The following TAFA4 variants were observed in gnomAD, a reference collection of about 807,000 sequenced individuals.
TAFA4 encodes the protein chemokine-like protein TAFA-4.
Under a neutral mutation model 21.1 loss-of-function variants are expected in TAFA4, and 20 were observed. That is an observed-to-expected ratio of 0.95 (90% CI 0.67 to 1.38). The LOEUF (loss-of-function observed/expected upper bound fraction) is 1.38. Among genes scored for constraint, TAFA4 ranks in the 40% most tolerant of loss-of-function variants. The pLI is 0.00. For synonymous variants in TAFA4, 71 were observed against 67.4 expected, an observed-to-expected ratio of 1.05 and a Z score of -0.26; for missense variants, 211 against 180.9, an observed-to-expected ratio of 1.17 and a Z score of -0.95.
At chr3:68,843,384 CAG>C (rs1704711497) in intron 3 of TAFA4, among the ~76,000 whole-genome samples, 1 of 152,152 alleles carries the variant, frequency 6.6e-6, no homozygotes, top group Non-Finnish European at 1.5e-5. Context: ...TTTGTATCCT[CAG>C]ACTTTACTGA....
chr3:68,835,637 C>T (rs1704506171), intron 3 of TAFA4, among the ~76,000 whole-genome samples: 1 of 152,144 alleles, frequency 6.6e-6, no homozygotes. Flanking sequence ...ACTGCAAAGC[C>T]CAGATGCCAT....
At chr3:68,909,092 T>C (rs998197232) in intron 1 of TAFA4, among the ~76,000 whole-genome samples, 1 of 152,162 alleles carries the variant, frequency 6.6e-6, no homozygotes, top group African/African-American at 2.4e-5. Context: ...TATCTGCTTG[T>C]AGCTTGGGGC....
rs369649050 is a variant in TAFA4, at chr3:68,732,966, C to T, written c.*176G>A. On this transcript the variant is annotated 3_prime_UTR_variant, in exon 6 of 6. Coordinates refer to ENST00000295569, the MANE Select transcript of TAFA4 (RefSeq NM_182522.5). ...GTTATAATTCAATGAAATAAAATCA[C>T]GAAGCAGAGAGGGCTGGGCCAGTTA... 10 of 669,804 alleles carry T rather than the reference C, an allele frequency of 1.5e-5. No homozygotes were observed. The highest frequency in any genetic ancestry group is 4.8e-5 in the South Asian group (2 of 41,636). The allele number at this position is 669,804 out of a possible 1,614,324, so 41.5% of individuals were successfully genotyped here. A position where few individuals can be genotyped will look rare whatever the true frequency, so the allele number is the denominator to read the frequency against.
chr3:68,885,659 G>C (rs929865421), intron 1 of TAFA4, among the ~76,000 whole-genome samples: 5 of 152,188 alleles, frequency 3.3e-5, no homozygotes, highest in African/African-American at 1.2e-4. Context: ...ATGGAAGTTA[G>C]AGATAATGCA....
At chr3:68,914,691 G>A (rs1327972592) in intron 1 of TAFA4, among the ~76,000 whole-genome samples, 2 of 152,016 alleles carry the variant, frequency 1.3e-5, no homozygotes, top group African/African-American at 2.4e-5. Context: ...CCATGGAAGC[G>A]GTGTGCAAAT....
chr3:68,817,696 C>T (rs1704019567), intron 3 of TAFA4, among the ~76,000 whole-genome samples: 1 of 152,190 alleles, frequency 6.6e-6, no homozygotes. Context: ...CCTTGTACAT[C>T]TCCATCAGGC....
chr3:68,773,902 C>CG (rs1703003669), intron 3 of TAFA4, among the ~76,000 whole-genome samples: 1 of 152,194 alleles, frequency 6.6e-6, no homozygotes, highest in Non-Finnish European at 1.5e-5. Flanking sequence ...AAGCGTGAGA[C>CG]TTACTCAAGC....
chr3:68,878,194 A>G lies in TAFA4; in HGVS notation c.130+2536T>C, dbSNP rs150759007. Among the ~76,000 whole-genome samples the G allele has an allele frequency of 2.0e-5, 3 of 152,322 alleles. No individual in the cohort carries two copies. The East Asian group carries it at 5.8e-4, about 29-fold the overall frequency. ...TTGTGGAATTGAAATAGTGCAGTCC[A>G]GGTTATATTCAAAGTTCTCTAGGGA... On this transcript the variant is annotated intron_variant, in intron 3 of 5. Coordinates refer to ENST00000295569, the MANE Select transcript of TAFA4 (RefSeq NM_182522.5).
At chr3:68,834,425 G>C (rs987173154) in intron 3 of TAFA4, among the ~76,000 whole-genome samples, 9 of 152,106 alleles carry the variant, frequency 5.9e-5, no homozygotes, top group African/African-American at 2.2e-4. Context: ...ATATAGAAAA[G>C]AGTGTCATTT....
chr3:68,842,328 G>A (rs1053955559), intron 3 of TAFA4, among the ~76,000 whole-genome samples: 3 of 152,100 alleles, frequency 2.0e-5, no homozygotes, highest in African/African-American at 4.8e-5. Flanking sequence ...TATGTTTGCT[G>A]GCCACATCAA....
intron 3 of TAFA4, among the ~76,000 whole-genome samples, chr3:68,841,972 G>T (rs1704677073): frequency 6.6e-6 from 1 of 152,158 alleles, no homozygotes; most frequent in African/African-American, 2.4e-5. Context: ...TTGGTTCCAA[G>T]TCTTTGCTAT....
At chr3:68,907,496 A>C (rs950814451) in intron 1 of TAFA4, among the ~76,000 whole-genome samples, 4 of 152,242 alleles carry the variant, frequency 2.6e-5, no homozygotes, top group African/African-American at 7.2e-5. Flanking sequence ...GAGAACAACA[A>C]GACGACATAG....
At chr3:68,760,563 T>C (rs536640081) in intron 3 of TAFA4, among the ~76,000 whole-genome samples, 8 of 152,298 alleles carry the variant, frequency 5.3e-5, no homozygotes, top group Admixed American at 6.5e-5. Flanking sequence ...AGTCTCACAC[T>C]CCACTGATCT....
chr3:68,908,272 A>G (rs542031242), intron 1 of TAFA4, among the ~76,000 whole-genome samples: 44 of 152,318 alleles, frequency 2.9e-4, no homozygotes, highest in African/African-American at 9.1e-4. Flanking sequence ...TACAAAGCTG[A>G]TAAGTAGGGA....
chr3:68,894,844 GGTTTTGTTTT>G (rs371557807), intron 1 of TAFA4, among the ~76,000 whole-genome samples: 2 of 151,896 alleles, frequency 1.3e-5, no homozygotes, highest in South Asian at 2.1e-4. Flanking sequence ...GGGTGTTTTT[GGTTTTGTTTT>G]GTTTTGTTTT....
At chr3:68,894,711 T>C (rs531790911) in intron 1 of TAFA4, among the ~76,000 whole-genome samples, 163 of 152,290 alleles carry the variant, frequency 1.1e-3, no homozygotes, top group Non-Finnish European at 1.8e-3. Flanking sequence ...TGAAAAAGAA[T>C]ACTTTAACCA....
intron 3 of TAFA4, among the ~76,000 whole-genome samples, chr3:68,875,675 T>A (rs2089540957): frequency 6.6e-6 from 1 of 152,110 alleles, no homozygotes; most frequent in Non-Finnish European, 1.5e-5. Context: ...AAGTGCTCAT[T>A]ATTGATCAAA....
intron 1 of TAFA4, among the ~76,000 whole-genome samples, chr3:68,890,181 C>T (rs1223733519): frequency 6.6e-6 from 1 of 151,950 alleles, no homozygotes; most frequent in African/African-American, 2.4e-5. Flanking sequence ...GAAAGAGAGA[C>T]AGAAGAGCAG....
chr3:68,796,835 G>C (rs1024899501), intron 3 of TAFA4, among the ~76,000 whole-genome samples: 4 of 152,074 alleles, frequency 2.6e-5, no homozygotes, highest in African/African-American at 7.2e-5. Context: ...GACTAGAATA[G>C]ACATTTCTCC....
Sources: gnomAD v4.1 joint callset for allele counts (sites outside exome capture counted in the v4.1 genomes callset) on GRCh38, gnomAD v4.1.1 for gene constraint, MANE v1.5 for transcripts, NCBI Gene and HGNC (gene_info 2026-07-23, HGNC 2026-07-21) for gene names.